The following PDE4C variants were observed in gnomAD, a reference collection of about 807,000 sequenced individuals.
PDE4C encodes phosphodiesterase 4C.
PDE4C carries 50 observed loss-of-function variants against 63.9 expected under a neutral mutation model. The ratio of observed to expected loss-of-function variants is 0.78; its 90% confidence interval spans 0.62 to 0.99. The LOEUF is 0.99. Ranked by LOEUF, PDE4C falls within the 50% of genes least tolerant of loss-of-function variation. The pLI is 0.00. For missense variants in PDE4C, 777 were observed against 899.1 expected (o/e 0.86, Z 1.74); for synonymous variants, 377 against 385.1 (o/e 0.98, Z 0.25).
chr19:18,243,544 C>T (rs950320550), intron 1 of PDE4C, among the ~76,000 whole-genome samples: 3 of 152,136 alleles, frequency 2.0e-5, no homozygotes, highest in East Asian at 1.9e-4. Flanking sequence ...GTTCCAATTT[C>T]GCTGGAGCAT....
intron 12 of PDE4C, among the ~76,000 whole-genome samples, chr19:18,214,658 G>C (rs1375996509): frequency 6.6e-6 from 1 of 151,680 alleles, no homozygotes; most frequent in Non-Finnish European, 1.5e-5. Context: ...TTAAAAACCA[G>C]ATTAACCCAG....
chr19:18,244,813 T>G (rs1183616603), intron 1 of PDE4C, among the ~76,000 whole-genome samples: 1 of 151,232 alleles, frequency 6.6e-6, no homozygotes, highest in African/African-American at 2.4e-5. Flanking sequence ...TGACCAGCTT[T>G]TTTTTTTTCT....
Position 18,220,779 on chromosome 19 carries a change from G to T in PDE4C, c.499+95C>A, listed in dbSNP as rs1600079150. On this transcript the variant is annotated intron_variant, in intron 5 of 14. Transcript: ENST00000262805. The surrounding 1 kb of genome is among the most constrained non-coding windows in gnomAD (Gnocchi z 5.1). ...TTTTGCAGGGGCGGGGCTACAATTA[G>T]CCCCAGTATAAGGGGCTCATGGACT... 8.2e-7 allele frequency: 1 copy of T among 1,216,556 alleles called. No individual in the cohort carries two copies. Among genetic ancestry groups the T allele is most frequent in the East Asian group, 2.4e-5 (1 of 41,936 alleles). The allele number at this position is 1,216,556 out of a possible 1,614,324, so 75.4% of individuals were successfully genotyped here.
In PDE4C at chr19:18,233,070, C is replaced by T. The variant is rs767249358; in HGVS notation, c.122G>A (p.Arg41His). 41 of 1,570,166 alleles carry T rather than the reference C, an allele frequency of 2.6e-5. No individual in the cohort carries two copies. The African/African-American group carries it at 5.4e-4, about 21-fold the overall frequency. Residue 41 changes from arginine (R) to histidine (H), a missense_variant, in exon 1 of 15, where the codon CGC (arginine) becomes CAC (histidine). Transcript: ENST00000594465. ...ATCCGAATAGAAGCGCTGTTGGATGCGGATGGGGCGCCGGGGTTGCCGCCA... is the reference window on the plus strand; with the variant it reads ...ATCCGAATAGAAGCGCTGTTGGATGTGGATGGGGCGCCGGGGTTGCCGCCA...
At chr19:18,241,353 G>A (rs1969035423) in intron 1 of PDE4C, among the ~76,000 whole-genome samples, 1 of 123,744 alleles carries the variant, frequency 8.1e-6, no homozygotes, top group South Asian at 2.7e-4. Flanking sequence ...TGCAAGCTCC[G>A]CCTCCTAGTT....
chr19:18,250,085 A>T, upstream of PDE4C: 1 of 398,610 alleles, frequency 2.5e-6, no homozygotes, highest in East Asian at 3.6e-5. Flanking sequence ...CTCCCCAGGA[A>T]CCCCAGCCCC....
rs577790546 is a variant in PDE4C at position 18,211,423 on chromosome 19, A to G, written c.1696-147T>C. 4 of 742,082 alleles carry G rather than the reference A, an allele frequency of 5.4e-6. No individual in the cohort carries two copies. In the African/African-American group the frequency reaches 7.1e-5, roughly 13 times the overall value. The allele number at this position is 742,082 out of a possible 1,614,324, so 46.0% of individuals were successfully genotyped here. ...GCTCATCCTTCAAAACCCTTTTCAAATAACTCATTCTCTAGAATGCCTCCC... is the reference window on the plus strand; with the variant it reads ...GCTCATCCTTCAAAACCCTTTTCAAGTAACTCATTCTCTAGAATGCCTCCC... On this transcript the variant is annotated intron_variant, in intron 14 of 14. Transcript: ENST00000262805.
intron 12 of PDE4C, 21 bp downstream of exon 12, chr19:18,216,720 C>A: frequency 6.4e-7 from 1 of 1,573,762 alleles, no homozygotes; most frequent in East Asian, 2.3e-5. Flanking sequence ...CCTCCCGCCC[C>A]GCTTACTGCC....
At chr19:18,252,046 A>G (rs906591592), upstream of PDE4C, 3 of 398,512 alleles carry the variant, frequency 7.5e-6, no homozygotes, top group Non-Finnish European at 1.3e-5. Context: ...ACAAACACCC[A>G]AATCTCTTAA....
chr19:18,254,862 T>C, the PDE4C span, among the ~76,000 whole-genome samples: 2 of 152,320 alleles, frequency 1.3e-5, no homozygotes, highest in East Asian at 3.8e-4. Flanking sequence ...TGAGTCCCTG[T>C]TCCCTGGAAC....
At chr19:18,236,430 C>T (rs568831779), upstream of PDE4C, among the ~76,000 whole-genome samples, 6 of 152,182 alleles carry the variant, frequency 3.9e-5, no homozygotes, top group African/African-American at 1.4e-4. Flanking sequence ...ACCATGTTGA[C>T]CAGGCTGGTC....
At chr19:18,231,266 C>A (rs921189386), upstream of PDE4C, among the ~76,000 whole-genome samples, 2 of 152,216 alleles carry the variant, frequency 1.3e-5, no homozygotes, top group South Asian at 2.1e-4. Context: ...GCATACGATG[C>A]GCAGAACGAC....
chr19:18,245,166 GTTTGTTTGTT>G (rs1481618705), intron 1 of PDE4C, among the ~76,000 whole-genome samples: 4 of 149,240 alleles, frequency 2.7e-5, no homozygotes, highest in Non-Finnish European at 5.9e-5. Flanking sequence ...TTGTTTGTTT[GTTTGTTTGTT>G]TGTTTGAGAC....
upstream of PDE4C, among the ~76,000 whole-genome samples, chr19:18,230,279 G>A (rs1198256672): frequency 6.6e-6 from 1 of 152,216 alleles, no homozygotes; most frequent in Non-Finnish European, 1.5e-5. Context: ...GCCACGGTAT[G>A]TGGATCACTT....
chr19:18,216,147 A>C (rs1968184819), intron 12 of PDE4C, among the ~76,000 whole-genome samples: 2 of 150,824 alleles, frequency 1.3e-5, no homozygotes, highest in Non-Finnish European at 1.5e-5. Flanking sequence ...TGCTTAATTT[A>C]AGGCTTAGCA....
At chr19:18,248,245 C>G (rs1969166655), upstream of PDE4C, 1 of 455,970 alleles carries the variant, frequency 2.2e-6, no homozygotes, top group Middle Eastern at 3.3e-4. Flanking sequence ...ATGACCTGAC[C>G]AAGAGGGAGG....
At chr19:18,214,292 T>C (rs1476869978) in intron 12 of PDE4C, among the ~76,000 whole-genome samples, 1 of 151,336 alleles carries the variant, frequency 6.6e-6, no homozygotes, top group African/African-American at 2.4e-5. Context: ...GATGCCTCTG[T>C]TGACCCTTCT....
chr19:18,218,537 G>C, intron 9 of PDE4C, 39 bp from the exon 10 acceptor site: 2 of 1,610,910 alleles, frequency 1.2e-6, no homozygotes, highest in South Asian at 2.2e-5. Context: ...CCTTGGCCTT[G>C]GGGCTGCAGC....
chr19:18,234,996 A>G (rs190400692), upstream of PDE4C, among the ~76,000 whole-genome samples: 2 of 152,146 alleles, frequency 1.3e-5, no homozygotes, highest in African/African-American at 4.8e-5. Flanking sequence ...TCCCCTCCCA[A>G]AGTCTTTTTT....
Sources: gnomAD v4.1 joint callset for allele counts (sites outside exome capture counted in the v4.1 genomes callset) on GRCh38, gnomAD v4.1.1 for gene constraint, Gnocchi (gnomAD v3.1) non-coding constraint, MANE v1.5 for transcripts, NCBI Gene and HGNC (gene_info 2026-07-23, HGNC 2026-07-21) for gene names.